The following POU2F1 variants were observed in gnomAD, a reference collection of about 807,000 sequenced individuals.
The protein encoded by POU2F1 is POU domain, class 2, transcription factor 1.
A neutral mutation model predicts 84.9 loss-of-function variants in POU2F1; 16 were observed. The ratio of observed to expected loss-of-function variants is 0.19; its 90% CI spans 0.13 to 0.29. The LOEUF is 0.29. Ranked by LOEUF, POU2F1 falls within the 10% of genes least tolerant of loss-of-function variation. The probability of loss-of-function intolerance (pLI) is 1.00; values close to 1 mark genes in which losing one functional copy is unlikely to be tolerated. For synonymous variants in POU2F1, 368 were observed against 368.3 expected, an observed-to-expected ratio of 1.00 and a Z score of 0.01; for missense variants, 738 against 942.6, an observed-to-expected ratio of 0.78 and a Z score of 2.84.
intron 7 of POU2F1, chr1:167,383,369 CA>C (rs1294937602): frequency 1.3e-5 from 2 of 152,280 alleles, no homozygotes; most frequent in Non-Finnish European, 2.9e-5. Flanking sequence ...GAAACTAAGA[CA>C]GTTCAGTGTT....
rs78171582 is a variant in POU2F1, at chr1:167,343,090, G to T, written c.127+10555G>T. Among the ~76,000 whole-genome samples the T allele has an allele frequency of 6.5e-3, 983 of 152,192 alleles. 7 individuals carry two copies. Among genetic ancestry groups the T allele is most frequent in the African/African-American group, 0.022 (930 of 41,522 alleles). On this transcript the variant is annotated intron_variant, in intron 2 of 15. Coordinates refer to ENST00000367866, the MANE Select transcript of POU2F1 (RefSeq NM_002697.4). Reference sequence around the variant, plus strand: ...GCTTCTACAAGATTCTGATCAGTACGTATTGAGAAACTTGCCCTGGCTCTG... The same window carrying T: ...GCTTCTACAAGATTCTGATCAGTACTTATTGAGAAACTTGCCCTGGCTCTG...
intron 12 of POU2F1, among the ~76,000 whole-genome samples, chr1:167,399,792 G>A (rs1317163540): frequency 6.6e-6 from 1 of 150,920 alleles, no homozygotes; most frequent in East Asian, 1.9e-4. Context: ...TTGTGCCTTG[G>A]CCTCCCGAGT....
intron 2 of POU2F1, among the ~76,000 whole-genome samples, chr1:167,365,053 T>A (rs1247914451): frequency 6.6e-6 from 1 of 152,232 alleles, no homozygotes; most frequent in Non-Finnish European, 1.5e-5. Context: ...ATAATAAGTC[T>A]TTCTTGCTCT....
At chr1:167,245,300 T>C (rs554574327) in intron 1 of POU2F1, among the ~76,000 whole-genome samples, 2 of 151,954 alleles carry the variant, frequency 1.3e-5, no homozygotes, top group East Asian at 3.9e-4. Flanking sequence ...GGAATGCAAG[T>C]GGCATGATCG....
At chr1:167,323,754 G>A (rs1274626935) in intron 1 of POU2F1, among the ~76,000 whole-genome samples, 1 of 152,086 alleles carries the variant, frequency 6.6e-6, no homozygotes, top group Non-Finnish European at 1.5e-5. Flanking sequence ...GTGCAGTCAC[G>A]CGATCTCGGC....
chr1:167,345,111 T>C lies in POU2F1; in HGVS notation c.127+12576T>C, dbSNP rs1445927105. 2.6e-5 allele frequency among the ~76,000 whole-genome samples: 4 copies of C among 152,166 alleles called. No individual in the cohort carries two copies. The East Asian group carries it at 7.7e-4, about 29-fold the overall frequency. ...GGTCAATAGGTGCAGCAAACCACCG[T>C]GGTACACGTGTACTTATGTAACAAG... On this transcript the variant is annotated intron_variant, in intron 2 of 15. Coordinates refer to ENST00000367866, the MANE Select transcript of POU2F1 (RefSeq NM_002697.4).
At chr1:167,299,116 T>C (rs1189045420) in intron 1 of POU2F1, among the ~76,000 whole-genome samples, 2 of 137,174 alleles carry the variant, frequency 1.5e-5, no homozygotes, top group Non-Finnish European at 3.0e-5. Flanking sequence ...TGAGCCGATA[T>C]CGCACCATTG....
At chr1:167,258,639 G>A (rs1178243281) in intron 1 of POU2F1, among the ~76,000 whole-genome samples, 1 of 152,168 alleles carries the variant, frequency 6.6e-6, no homozygotes, top group Admixed American at 6.5e-5. Context: ...TCTTTGAAGG[G>A]TCAGATAGTA....
At chr1:167,295,968 T>A (rs1654263775) in intron 1 of POU2F1, among the ~76,000 whole-genome samples, 1 of 152,172 alleles carries the variant, frequency 6.6e-6, no homozygotes, top group Non-Finnish European at 1.5e-5. Context: ...GTAACTGCTT[T>A]AATATGTAAA....
chr1:167,244,636 C>T (rs1650175987), intron 1 of POU2F1, among the ~76,000 whole-genome samples: 1 of 152,162 alleles, frequency 6.6e-6, no homozygotes, highest in Non-Finnish European at 1.5e-5. Context: ...AGGGGCTACA[C>T]AAGGGTACAA....
chr1:167,318,493 C>T (rs1656076651), intron 1 of POU2F1, among the ~76,000 whole-genome samples: 1 of 152,182 alleles, frequency 6.6e-6, no homozygotes. Context: ...GCAATCTTCC[C>T]AAACAAGTAT....
intron 11 of POU2F1, 114 bp downstream of exon 11, chr1:167,398,247 G>A (rs1437922384): frequency 1.6e-6 from 2 of 1,266,992 alleles, no homozygotes; most frequent in Non-Finnish European, 2.2e-6. Context: ...TGCTCTTATG[G>A]ATGATTATAA....
chr1:167,324,481 G>A (rs1454565553), intron 1 of POU2F1, among the ~76,000 whole-genome samples: 1 of 151,462 alleles, frequency 6.6e-6, no homozygotes, highest in Admixed American at 6.6e-5. Flanking sequence ...GAATGAATGT[G>A]TATTTATATG....
intron 1 of POU2F1, among the ~76,000 whole-genome samples, chr1:167,251,215 A>G (rs2102404133): frequency 6.6e-6 from 1 of 151,278 alleles, no homozygotes; most frequent in South Asian, 2.1e-4. Context: ...CCTGCCCAAC[A>G]TGTGAAACCC....
chr1:167,385,617 A>G (rs1253779990), intron 8 of POU2F1, among the ~76,000 whole-genome samples: 1 of 152,128 alleles, frequency 6.6e-6, no homozygotes, highest in Non-Finnish European at 1.5e-5. Flanking sequence ...AAAATAAAAA[A>G]CCTTGACTAT....
rs868430185 is a variant in POU2F1, at chr1:167,396,192, G to C, written c.988-94G>C. 2.4e-5 allele frequency: 34 copies of C among 1,414,920 alleles called. No individual in the cohort carries two copies. In the African/African-American group the frequency reaches 4.4e-4, roughly 18 times the overall value. 87.6% of individuals were successfully genotyped at this position (1,414,920 alleles called of 1,614,324 possible). ...AATTACTGACTCCTTGTCTAAAGCA[G>C]TTATTGGAGCAACACCCCAGAGTGA... On this transcript the variant is annotated intron_variant, in intron 9 of 15. Transcript: ENST00000367866.
At position 167,230,773 on chromosome 1, in the gene POU2F1, GC is replaced by G. The variant is rs774286919; in HGVS notation, c.61+9817del. 6.8e-4 allele frequency among the ~76,000 whole-genome samples: 104 copies of G among 152,282 alleles called. 1 individual carries two copies. Among genetic ancestry groups the G allele is most frequent in the South Asian group, 6.2e-4 (3 of 4,826 alleles). On this transcript the variant is annotated intron_variant, in intron 1 of 15. Coordinates refer to ENST00000367866, the MANE Select transcript of POU2F1 (RefSeq NM_002697.4). ...TATGTAAGTAAATCTTGTCCTAAGAGCCTTGAGTGCAGGAACATACTGGTAG... is the reference window on the plus strand; with the variant it reads ...TATGTAAGTAAATCTTGTCCTAAGAGCTTGAGTGCAGGAACATACTGGTAG...
chr1:167,362,954 C>T (rs1659439273), intron 2 of POU2F1, among the ~76,000 whole-genome samples: 1 of 152,088 alleles, frequency 6.6e-6, no homozygotes, highest in African/African-American at 2.4e-5. Context: ...GGCAGTCTCT[C>T]CCCAGCCAGA....
At chr1:167,408,931 T>C (rs1649772570) in intron 13 of POU2F1, among the ~76,000 whole-genome samples, 1 of 152,270 alleles carries the variant, frequency 6.6e-6, no homozygotes, top group African/African-American at 2.4e-5. Flanking sequence ...AAGAATTGTT[T>C]ATACATTCTG....
Sources: gnomAD v4.1 joint callset for allele counts (sites outside exome capture counted in the v4.1 genomes callset) on GRCh38, gnomAD v4.1.1 for gene constraint, MANE v1.5 for transcripts, NCBI Gene and HGNC (gene_info 2026-07-23, HGNC 2026-07-21) for gene names.